Variants in PPWD1 observed in about 807,000 individuals in gnomAD.
PPWD1 encodes the protein peptidylprolyl isomerase domain and WD repeat-containing protein 1.
A neutral mutation model predicts 68.8 loss-of-function variants in PPWD1; 43 were observed. That is an observed-to-expected ratio of 0.62 (90% CI 0.49 to 0.81). The LOEUF (loss-of-function observed/expected upper bound fraction) is 0.81, where lower values mean the gene tolerates loss of function less well. PPWD1 is among the 30% of genes least tolerant of loss of function. The pLI is 0.00. For missense variants in PPWD1, 672 were observed against 804.8 expected (o/e 0.83, Z 2.00); for synonymous variants, 232 against 258.7 (o/e 0.90, Z 0.99).
Position 65,563,432 on chromosome 5 carries a change from A to G in PPWD1, c.122A>G (p.Glu41Gly), listed in dbSNP as rs1752404078. 3 of 1,614,122 alleles carry G rather than the reference A, an allele frequency of 1.9e-6. No individual in the cohort carries two copies. The highest frequency in any genetic ancestry group is 1.7e-6 in the Non-Finnish European group (2 of 1,180,026). The stretch of plus-strand genomic sequence containing the variant: ...GCAGTAGCAGTGGCGGTGTCCCAGG[A>G]GAACGATGAGGAGAACGAAGAGCGC... ...ELAVAVAVSQ[E>G]NDEENEERWV... Residue 41 changes from glutamate to glycine, a missense_variant, in exon 1 of 11, where the codon GAG (glutamate) becomes GGG (glycine). Around this residue, in one of 2 missense-constraint regions of PPWD1, gnomAD observed 188 missense variants for 158.6 expected, o/e 1.19. Transcript: ENST00000261308.
chr5:65,570,474 T>C (rs191705379), intron 4 of PPWD1: 18 of 358,824 alleles, frequency 5.0e-5, no homozygotes, highest in African/African-American at 2.9e-4. Context: ...TTTAAGCATG[T>C]CTTTTTTAAG....
rs770864724 is a variant in PPWD1 at position 65,584,999 on chromosome 5, CAT to C, written c.1533-12_1533-11del. The stretch of plus-strand genomic sequence containing the variant: ...CTCTGAATAGGTTTCATATTTGTAA[CAT>C]ATGTCTTAATAGGTGCCCTAAGACA... On this transcript the variant is annotated splice_polypyrimidine_tract_variant and intron_variant, in intron 8 of 10. Coordinates refer to ENST00000261308, the MANE Select transcript of PPWD1 (RefSeq NM_015342.4). 19 of 1,609,016 alleles carry C rather than the reference CAT, an allele frequency of 1.2e-5. No homozygotes were observed. In the South Asian group the frequency reaches 1.3e-4, roughly 11 times the overall value.
In PPWD1 at chr5:65,572,270, T is replaced by C. The variant is rs768999841; in HGVS notation, c.953T>C (p.Phe318Ser). 6.2e-7 allele frequency: 1 copy of C among 1,609,260 alleles called. No homozygotes were observed. The highest frequency in any genetic ancestry group is 8.5e-7 in the Non-Finnish European group (1 of 1,176,856). ...GTAACTGGAAAACTCATGAGAGTCT[T>C]TGATGAATCACTAAGCGTAAGTGTA... ...RFVTGKLMRV[F>S]DESLSMFTEL... The change falls in exon 5 of 11, where the codon TTT becomes TCT. Residue 318 changes from phenylalanine to serine, a missense_variant. By Grantham distance (155) the Phe-to-Ser change is radical (BLOSUM62 -2). Transcript: ENST00000261308.
Position 65,576,864 on chromosome 5 carries a change from T to A in PPWD1, c.970-15T>A, listed in dbSNP as rs774338325. The A allele has an allele frequency of 6.2e-6, 10 of 1,611,976 alleles. No individual in the cohort carries two copies. Among genetic ancestry groups the A allele is most frequent in the Non-Finnish European group, 8.5e-6 (10 of 1,178,874 alleles). The stretch of plus-strand genomic sequence containing the variant: ...TGTATATAGAGTTTTTGTTACTAAA[T>A]GGTTTATTTCCTAGATGTTTACTGA... On this transcript the variant is annotated splice_polypyrimidine_tract_variant and intron_variant, in intron 5 of 10. Coordinates refer to ENST00000261308, the MANE Select transcript of PPWD1 (RefSeq NM_015342.4).
Position 65,567,560 on chromosome 5 carries a change from A to G in PPWD1, c.244A>G (p.Met82Val), listed in dbSNP as rs747440968. 3.1e-6 allele frequency: 5 copies of G among 1,612,516 alleles called. No individual in the cohort carries two copies. The African/African-American group carries it at 5.3e-5, about 17-fold the overall frequency. ...VYLDNLPSAS[M>V]YERSYMHRDV... is the part of the protein sequence containing the mutation. ...TCTTGATAATCTCCCCAGTGCATCCATGTATGAGCGCAGTTACATGCATAG... is the reference window on the plus strand; with the variant it reads ...TCTTGATAATCTCCCCAGTGCATCCGTGTATGAGCGCAGTTACATGCATAG... The change falls in exon 2 of 11, where the codon ATG becomes GTG. Residue 82 changes from methionine (M) to valine (V), a missense_variant. Coordinates refer to ENST00000261308, the MANE Select transcript of PPWD1 (RefSeq NM_015342.4).
At chr5:65,563,819 G>T (rs1294556994) in intron 1 of PPWD1, 1 of 1,506,322 alleles carries the variant, frequency 6.6e-7, no homozygotes, top group African/African-American at 1.4e-5. Flanking sequence ...CATGAAGTTG[G>T]AATTTCGAAC....
At chr5:65,581,581 A>G (rs916910938) in intron 7 of PPWD1, among the ~76,000 whole-genome samples, 5 of 152,204 alleles carry the variant, frequency 3.3e-5, no homozygotes, top group Non-Finnish European at 7.4e-5. Context: ...GCAAGACCCT[A>G]TTGCTAAACA....
At chr5:65,580,072 A>AT (rs375988025) in intron 7 of PPWD1, among the ~76,000 whole-genome samples, 26 of 150,318 alleles carry the variant, frequency 1.7e-4, no homozygotes, top group East Asian at 1.6e-3. Flanking sequence ...TTCCTGTGGA[A>AT]TTTTTTTTTT....
intron 8 of PPWD1, among the ~76,000 whole-genome samples, chr5:65,584,090 A>T: frequency 6.6e-6 from 1 of 152,220 alleles, no homozygotes; most frequent in Non-Finnish European, 1.5e-5. Context: ...CTTGACCCAA[A>T]AAATGACATC....
chr5:65,585,184 C>A, intron 9 of PPWD1, 89 bp downstream of exon 9: 1 of 1,301,082 alleles, frequency 7.7e-7, no homozygotes, highest in Non-Finnish European at 1.1e-6. Flanking sequence ...TTCTCTCACA[C>A]TTAATCAGTT....
intron 1 of PPWD1, 151 bp from the exon 2 acceptor site, chr5:65,567,362 A>G (rs891864945): frequency 3.3e-6 from 4 of 1,201,286 alleles, no homozygotes; most frequent in African/African-American, 3.1e-5. Context: ...CTGAGATAAC[A>G]TACTGGATTT....
At chr5:65,573,944 C>T (rs1223384457) in intron 5 of PPWD1, among the ~76,000 whole-genome samples, 3 of 152,092 alleles carry the variant, frequency 2.0e-5, no homozygotes, top group African/African-American at 7.2e-5. Context: ...TTAATCCATG[C>T]AGTTAAGCGG....
chr5:65,571,658 G>A, intron 4 of PPWD1, 181 bp from the exon 5 acceptor site: 1 of 700,634 alleles, frequency 1.4e-6, no homozygotes, highest in Non-Finnish European at 1.8e-6. Flanking sequence ...AGGTCAGAAA[G>A]AGAAAAAATA....
rs566310669 is a variant in PPWD1 at position 65,579,553 on chromosome 5, G to T, written c.1290G>T (p.Gln430His). Residue 430 changes from glutamine to histidine, a missense_variant, in exon 7 of 11, where the codon CAG becomes CAT. Coordinates refer to ENST00000261308, the MANE Select transcript of PPWD1 (RefSeq NM_015342.4). ...EMKASENPVL[Q>H]NIQADPTIVC... The stretch of plus-strand genomic sequence containing the variant: ...AAGCTTCTGAAAATCCTGTTCTTCA[G>T]AATATTCAAGCTGACCCAACAATAG... 13 of 1,608,982 alleles carry T rather than the reference G, an allele frequency of 8.1e-6. No individual in the cohort carries two copies. In the South Asian group the frequency reaches 1.3e-4, roughly 17 times the overall value.
chr5:65,566,655 C>T (rs541165177), intron 1 of PPWD1, among the ~76,000 whole-genome samples: 4 of 152,102 alleles, frequency 2.6e-5, no homozygotes, highest in Admixed American at 1.3e-4. Flanking sequence ...GTTTGGTCAT[C>T]GTTCAGTTAT....
chr5:65,582,278 G>GT (rs1753629835), intron 7 of PPWD1, among the ~76,000 whole-genome samples: 1 of 152,076 alleles, frequency 6.6e-6, no homozygotes, highest in African/African-American at 2.4e-5. Flanking sequence ...CAACTGAAAG[G>GT]TTTTTCTCAA....
intron 8 of PPWD1, 124 bp from the exon 9 acceptor site, chr5:65,584,888 AAC>A (rs765082253): frequency 1.4e-6 from 2 of 1,388,076 alleles, no homozygotes; most frequent in Non-Finnish European, 1.9e-6. Flanking sequence ...GAAAAAAAAA[AAC>A]AACTGTCCTT....
At chr5:65,580,627 CCTCAGT>C (rs746511032) in intron 7 of PPWD1, among the ~76,000 whole-genome samples, 7 of 152,146 alleles carry the variant, frequency 4.6e-5, no homozygotes, top group Non-Finnish European at 1.0e-4. Flanking sequence ...AATTCGCCTG[CCTCAGT>C]CTCCTGGGTA....
chr5:65,585,625 G>C (rs1022419169), intron 9 of PPWD1, among the ~76,000 whole-genome samples: 3 of 152,112 alleles, frequency 2.0e-5, no homozygotes, highest in African/African-American at 7.2e-5. Context: ...GGTCCTAAAG[G>C]AATTAGCGAA....
Sources: allele counts gnomAD v4.1 joint callset (sites outside exome capture counted in the v4.1 genomes callset), GRCh38; gene constraint gnomAD v4.1.1; regional missense constraint gnomAD v4.1.1; transcripts MANE v1.5; gene names NCBI Gene and HGNC (gene_info 2026-07-23, HGNC 2026-07-21).